Variants in RANBP3L observed in about 807,000 individuals in gnomAD.
RANBP3L encodes ran-binding protein 3-like.
In RANBP3L, 56 loss-of-function variants were observed where a neutral mutation model predicts 67.2. The observed-to-expected ratio is 0.83, with a 90% CI of 0.67 to 1.04. RANBP3L has a LOEUF of 1.04. Ranked by LOEUF, RANBP3L falls within the 50% of genes least tolerant of loss-of-function variation. RANBP3L has a pLI of 0.00. For missense variants in RANBP3L, 496 were observed against 535.5 expected, an observed-to-expected ratio of 0.93 and a Z score of 0.73; for synonymous variants, 164 against 181.4, an observed-to-expected ratio of 0.90 and a Z score of 0.77.
rs770781280 is a variant in RANBP3L, at chr5:36,253,813, C to T, written c.1025-24G>A. 4 of 1,610,548 alleles carry T rather than the reference C, an allele frequency of 2.5e-6. No homozygotes were observed. In the East Asian group the frequency reaches 6.7e-5, roughly 27 times the overall value. On this transcript the variant is annotated intron_variant, in intron 11 of 13. Coordinates refer to ENST00000296604, the MANE Select transcript of RANBP3L (RefSeq NM_145000.5). ...AACTAAAATAGGAAGGTGACTACATCAGGCCACAGAACAGTTGACACGGAG... is the reference window on the plus strand; with the variant it reads ...AACTAAAATAGGAAGGTGACTACATTAGGCCACAGAACAGTTGACACGGAG...
intron 7 of RANBP3L, 96 bp from the exon 8 acceptor site, chr5:36,260,960 T>A (rs910572085): frequency 2.6e-5 from 16 of 614,614 alleles, no homozygotes; most frequent in Non-Finnish European, 4.1e-5. Context: ...TTTATGTAAA[T>A]CAAATTTACT....
intron 4 of RANBP3L, among the ~76,000 whole-genome samples, chr5:36,265,977 C>CAAAA (rs10717173): frequency 1.3e-5 from 1 of 76,090 alleles, no homozygotes; most frequent in East Asian, 3.7e-4. Flanking sequence ...GACTCCATTT[C>CAAAA]AAAAAAAAAA....
intron 1 of RANBP3L, among the ~76,000 whole-genome samples, chr5:36,299,363 G>GTA (rs201710440): frequency 0.049 from 7,099 of 144,458 alleles, 459 homozygotes; most frequent in East Asian, 0.2. Context: ...GTGTGTGTGT[G>GTA]TGTATATATC....
At chr5:36,292,619 G>T (rs929074897) in intron 1 of RANBP3L, among the ~76,000 whole-genome samples, 19 of 151,968 alleles carry the variant, frequency 1.3e-4, no homozygotes, top group Non-Finnish European at 2.9e-5. Context: ...TTCTACATAT[G>T]GCTAGCCAGT....
At chr5:36,271,727 T>G (rs566762852) in intron 1 of RANBP3L, among the ~76,000 whole-genome samples, 3 of 152,306 alleles carry the variant, frequency 2.0e-5, no homozygotes, top group African/African-American at 7.2e-5. Context: ...AGAAATGATA[T>G]GTATGCATTG....
chr5:36,291,310 G>T (rs1751740991), intron 1 of RANBP3L, among the ~76,000 whole-genome samples: 1 of 150,978 alleles, frequency 6.6e-6, no homozygotes, highest in African/African-American at 2.4e-5. Context: ...ATCTTTTTGT[G>T]ACTGGCTTAT....
chr5:36,261,615 A>G (rs1468725483), intron 7 of RANBP3L, among the ~76,000 whole-genome samples: 1 of 152,220 alleles, frequency 6.6e-6, no homozygotes, highest in Non-Finnish European at 1.5e-5. Context: ...AAAGAAAAAA[A>G]TGCTAGAGAG....
chr5:36,261,888 G>A (rs779544122), intron 7 of RANBP3L, 51 bp downstream of exon 7: 37 of 866,180 alleles, frequency 4.3e-5, no homozygotes, highest in Admixed American at 9.3e-5. Context: ...TTATAATAAT[G>A]AAAGAATGCA....
At chr5:36,291,202 C>A (rs953607929) in intron 1 of RANBP3L, among the ~76,000 whole-genome samples, 2 of 152,030 alleles carry the variant, frequency 1.3e-5, no homozygotes, top group Admixed American at 6.6e-5. Flanking sequence ...TACCATTAAA[C>A]AACATATCCT....
intron 1 of RANBP3L, among the ~76,000 whole-genome samples, chr5:36,297,435 A>ACACACACACACACG: frequency 6.6e-6 from 1 of 151,616 alleles, no homozygotes; most frequent in East Asian, 1.9e-4. Context: ...ATACACACAC[A>ACACACACACACACG]CACACACACA....
At chr5:36,280,136 G>A (rs1047215060) in intron 1 of RANBP3L, among the ~76,000 whole-genome samples, 4 of 152,086 alleles carry the variant, frequency 2.6e-5, no homozygotes, top group African/African-American at 9.7e-5. Flanking sequence ...CTCCTCCACT[G>A]ATTTGTACAT....
rs747682597 is a variant in RANBP3L at position 36,271,263 on chromosome 5, T to G, written c.140A>C (p.Gln47Pro). The change falls in exon 2 of 14, where the codon CAA (glutamine) becomes CCA (proline). Residue 47 changes from glutamine to proline, a missense_variant. Coordinates refer to ENST00000296604, the MANE Select transcript of RANBP3L (RefSeq NM_145000.5). ...AGTAGTCAATCTTACCTTAAAAGTT[T>G]GTTCTCCCTTTTCAAAAACAAATAT... is the stretch of plus-strand genomic sequence containing the variant. ...QPIFVFEKGEQTFKRPAEDTL... is the reference protein window; with the variant it reads ...QPIFVFEKGEPTFKRPAEDTL... The G allele has an allele frequency of 2.6e-6, 4 of 1,558,864 alleles. No homozygotes were observed. Among genetic ancestry groups the G allele is most frequent in the Middle Eastern group, 1.7e-4 (1 of 5,904 alleles).
chr5:36,277,905 C>G (rs1750706756), intron 1 of RANBP3L, among the ~76,000 whole-genome samples: 1 of 152,142 alleles, frequency 6.6e-6, no homozygotes, highest in Non-Finnish European at 1.5e-5. Context: ...GCTCATCTTA[C>G]ATGCAGGCAG....
chr5:36,268,306 G>T, intron 4 of RANBP3L: 2 of 1,411,312 alleles, frequency 1.4e-6, no homozygotes, highest in Non-Finnish European at 1.9e-6. Flanking sequence ...TAAGAAAGTG[G>T]GTTTTTTGTT....
Position 36,294,316 on chromosome 5 carries a change from C to T in RANBP3L, c.91+7010G>A, listed in dbSNP as rs1051592374. ...TTTTTTTCTTTATTAGTCTTGCTAG[C>T]GGTGTATCAATTTTGTTGATCCTTT... On this transcript the variant is annotated intron_variant, in intron 1 of 13. Coordinates refer to ENST00000296604, the MANE Select transcript of RANBP3L (RefSeq NM_145000.5). Among the ~76,000 whole-genome samples the T allele has an allele frequency of 3.2e-4, 48 of 151,904 alleles. No individual in the cohort carries two copies. The Middle Eastern group carries it at 0.01, about 33-fold the overall frequency.
chr5:36,288,048 C>T (rs184300693), intron 1 of RANBP3L, among the ~76,000 whole-genome samples: 47 of 152,308 alleles, frequency 3.1e-4, no homozygotes, highest in African/African-American at 1.1e-3. Flanking sequence ...GCCTAAATTA[C>T]ATAGAATAAA....
At chr5:36,262,112 CAATAGTT>C in intron 6 of RANBP3L, 70 bp from the exon 7 acceptor site, 1 of 757,704 alleles carries the variant, frequency 1.3e-6, no homozygotes, top group East Asian at 2.5e-5. Context: ...GACAAGGAAA[CAATAGTT>C]ATAGTTAAAT....
chr5:36,256,847 C>A, intron 10 of RANBP3L, 94 bp downstream of exon 10: 1 of 1,198,400 alleles, frequency 8.3e-7, no homozygotes, highest in Non-Finnish European at 1.2e-6. Context: ...GAAAACTATA[C>A]TTCTGTCTGT....
Position 36,301,374 on chromosome 5 carries a change from T to C in RANBP3L, c.43A>G (p.Ser15Gly). ...AGCTTCAGTTTACAGGTGTGCAAAC[T>C]GCCAGGCAGGTGGCTGCTGCCTTTT... ...PRKGSSHLPG[S>G]LHTCKLKLQE... The change falls in exon 1 of 14, where the codon AGT (serine) becomes GGT (glycine). Residue 15 changes from serine to glycine, a missense_variant. By Grantham distance (56) the Ser-to-Gly change is moderately conservative. Transcript: ENST00000296604. The C allele has an allele frequency of 1.2e-6, 2 of 1,613,874 alleles. No homozygotes were observed. Among genetic ancestry groups the C allele is most frequent in the East Asian group, 4.5e-5 (2 of 44,872 alleles).
Sources: gnomAD v4.1 joint callset for allele counts (sites outside exome capture counted in the v4.1 genomes callset) on GRCh38, gnomAD v4.1.1 for gene constraint, MANE v1.5 for transcripts, NCBI Gene and HGNC (gene_info 2026-07-23, HGNC 2026-07-21) for gene names.